The following ANKS1B variants were observed in gnomAD, a reference collection of about 807,000 sequenced individuals.
ANKS1B encodes ankyrin repeat and sterile alpha motif domain containing 1B.
ANKS1B carries 36 observed loss-of-function variants against 148.3 expected under a neutral mutation model. The observed-to-expected ratio is 0.24, with a 90% confidence interval of 0.19 to 0.32. The LOEUF (loss-of-function observed/expected upper bound fraction) is 0.32, where lower values mean the gene tolerates loss of function less well. Ranked by LOEUF, ANKS1B falls within the 10% of genes least tolerant of loss-of-function variation. ANKS1B has a pLI of 1.00. For missense variants in ANKS1B, 1,157 were observed against 1,542.6 expected, an observed-to-expected ratio of 0.75 and a Z score of 4.19; for synonymous variants, 542 against 560.8, an observed-to-expected ratio of 0.97 and a Z score of 0.47.
At chr12:99,046,210 T>C (rs1470321431) in intron 17 of ANKS1B, among the ~76,000 whole-genome samples, 2 of 151,758 alleles carry the variant, frequency 1.3e-5, no homozygotes, top group East Asian at 1.9e-4. Flanking sequence ...ACCTGAAAGA[T>C]CAAAGACTAT....
chr12:99,684,835 C>A (rs1048075709), intron 8 of ANKS1B, among the ~76,000 whole-genome samples: 1 of 152,008 alleles, frequency 6.6e-6, no homozygotes, highest in East Asian at 1.9e-4. Flanking sequence ...GAAAAGATAT[C>A]CTATTCAACA....
chr12:98,841,089 C>T (rs761805638), intron 17 of ANKS1B, among the ~76,000 whole-genome samples: 1 of 152,092 alleles, frequency 6.6e-6, no homozygotes, highest in Admixed American at 6.5e-5. Flanking sequence ...TTTTGCTAAC[C>T]ATGCAGGATA....
intron 19 of ANKS1B, among the ~76,000 whole-genome samples, chr12:98,818,946 C>G (rs901228949): frequency 3.3e-5 from 5 of 152,170 alleles, no homozygotes; most frequent in African/African-American, 1.2e-4. Context: ...GTTGAACAAT[C>G]CTCTTGAACG....
intron 17 of ANKS1B, chr12:98,895,270 C>T: frequency 1.0e-6 from 1 of 985,436 alleles, no homozygotes; most frequent in Non-Finnish European, 1.2e-6. Context: ...TGCTGGGCGC[C>T]CCTCGCATCC....
At chr12:99,251,311 C>T (rs2074556878) in intron 12 of ANKS1B, among the ~76,000 whole-genome samples, 1 of 152,016 alleles carries the variant, frequency 6.6e-6, no homozygotes, top group Non-Finnish European at 1.5e-5. Context: ...ACAGTAATAA[C>T]TGTATTAGAC....
At position 99,150,646 on chromosome 12, in the gene ANKS1B, T is replaced by C. The variant is rs150072014; in HGVS notation, c.2526+3643A>G. 2.4e-4 allele frequency among the ~76,000 whole-genome samples: 36 copies of C among 152,114 alleles called. No homozygotes were observed. In the East Asian group the frequency reaches 5.0e-3, roughly 21 times the overall value. ...ATTAGACTTTGAAAAATAAATATGATGGTAGAGACAAATATAACAAGGAAA... is the reference window on the plus strand; with the variant it reads ...ATTAGACTTTGAAAAATAAATATGACGGTAGAGACAAATATAACAAGGAAA... On this transcript the variant is annotated intron_variant, in intron 15 of 26. Coordinates refer to ENST00000683438, the MANE Select transcript of ANKS1B (RefSeq NM_001352186.2).
chr12:99,742,936 T>C (rs750945697), intron 8 of ANKS1B, among the ~76,000 whole-genome samples: 2 of 152,050 alleles, frequency 1.3e-5, no homozygotes, highest in Non-Finnish European at 2.9e-5. Context: ...TTTTAGCAAA[T>C]CCTCACAACT....
At chr12:99,368,912 C>T (rs1038291607) in intron 12 of ANKS1B, among the ~76,000 whole-genome samples, 5 of 152,062 alleles carry the variant, frequency 3.3e-5, no homozygotes, top group East Asian at 1.9e-4. Flanking sequence ...AGCCAATAAA[C>T]GTAGAAGGAA....
chr12:99,387,389 G>T (rs1220791608), intron 12 of ANKS1B, among the ~76,000 whole-genome samples: 1 of 152,060 alleles, frequency 6.6e-6, no homozygotes, highest in Admixed American at 6.5e-5. Context: ...AGGCCGAGGT[G>T]GGTGGATCAC....
chr12:99,095,460 G>A (rs2055687471), intron 15 of ANKS1B, among the ~76,000 whole-genome samples: 1 of 152,206 alleles, frequency 6.6e-6, no homozygotes, highest in African/African-American at 2.4e-5. Flanking sequence ...AAACAGTTCA[G>A]AGAAGGTGAC....
intron 25 of ANKS1B, among the ~76,000 whole-genome samples, chr12:98,759,601 A>T (rs2098351539): frequency 6.6e-6 from 1 of 152,192 alleles, no homozygotes; most frequent in Admixed American, 6.5e-5. Context: ...TACATCACTA[A>T]GATTTTTGTT....
At chr12:99,576,443 T>C (rs574880181) in intron 9 of ANKS1B, among the ~76,000 whole-genome samples, 4 of 152,210 alleles carry the variant, frequency 2.6e-5, no homozygotes, top group Non-Finnish European at 5.9e-5. Flanking sequence ...ATTCTTCTCA[T>C]CTACACAGCA....
chr12:99,461,341 G>C (rs979838847), intron 10 of ANKS1B, among the ~76,000 whole-genome samples: 4 of 152,056 alleles, frequency 2.6e-5, no homozygotes, highest in Non-Finnish European at 5.9e-5. Flanking sequence ...CTGTTCAGGT[G>C]ATGAGTACAC....
intron 10 of ANKS1B, among the ~76,000 whole-genome samples, chr12:99,494,777 A>G (rs998523764): frequency 1.1e-4 from 16 of 148,264 alleles, no homozygotes; most frequent in Admixed American, 2.7e-4. Context: ...ATTATAGAGG[A>G]GAGAAAGACT....
chr12:98,783,062 C>T (rs11109603), intron 22 of ANKS1B, among the ~76,000 whole-genome samples: 3 of 151,300 alleles, frequency 2.0e-5, no homozygotes, highest in East Asian at 1.9e-4. Flanking sequence ...TTCTGCAAAG[C>T]GTCACAGTGG....
At chr12:99,323,061 G>A (rs956861351) in intron 12 of ANKS1B, among the ~76,000 whole-genome samples, 4 of 152,086 alleles carry the variant, frequency 2.6e-5, no homozygotes, top group African/African-American at 9.7e-5. Flanking sequence ...TCAGTAGTGT[G>A]AGAATGAACT....
intron 15 of ANKS1B, among the ~76,000 whole-genome samples, chr12:99,113,341 G>A (rs1467789675): frequency 6.6e-6 from 1 of 152,160 alleles, no homozygotes; most frequent in African/African-American, 2.4e-5. Flanking sequence ...ATATGACTTA[G>A]GGTCAGTTAC....
chr12:99,973,882 G>A (rs1264154609), intron 1 of ANKS1B, among the ~76,000 whole-genome samples: 1 of 152,176 alleles, frequency 6.6e-6, no homozygotes, highest in Non-Finnish European at 1.5e-5. Flanking sequence ...GAACATTGCT[G>A]AAACATCAAC....
intron 1 of ANKS1B, among the ~76,000 whole-genome samples, chr12:99,867,300 C>T (rs1478723432): frequency 6.6e-6 from 1 of 152,128 alleles, no homozygotes; most frequent in African/African-American, 2.4e-5. Flanking sequence ...CATTGCAACC[C>T]ATCCTATAAG....
Sources: allele counts gnomAD v4.1 joint callset (sites outside exome capture counted in the v4.1 genomes callset), GRCh38; gene constraint gnomAD v4.1.1; transcripts MANE v1.5; gene names NCBI Gene and HGNC (gene_info 2026-07-23, HGNC 2026-07-21).